Variants in RFX2 observed in about 807,000 individuals in gnomAD.
RFX2 encodes the protein DNA-binding protein RFX2.
A neutral mutation model predicts 87.8 loss-of-function variants in RFX2; 20 were observed. The ratio of observed to expected loss-of-function variants is 0.23; its 90% CI spans 0.16 to 0.33. The LOEUF (loss-of-function observed/expected upper bound fraction) is 0.33. Ranked by LOEUF, RFX2 falls within the 10% of genes least tolerant of loss-of-function variation. The pLI is 1.00. For missense variants in RFX2, 767 were observed against 1,012.3 expected (o/e 0.76, Z 3.29); for synonymous variants, 397 against 431.3 (o/e 0.92, Z 0.98).
rs2086432436 is a variant in RFX2 at position 5,997,617 on chromosome 19, C to T, written c.1860-404G>A. 6.6e-6 allele frequency among the ~76,000 whole-genome samples: 1 copy of T among 152,198 alleles called. No individual in the cohort carries two copies. Among genetic ancestry groups the T allele is most frequent in the Admixed American group, 6.5e-5 (1 of 15,290 alleles). On this transcript the variant is annotated intron_variant, in intron 15 of 17. Transcript: ENST00000303657. The surrounding 1 kb of genome is among the most constrained non-coding windows in gnomAD (Gnocchi z 4.2). ...TGGCAGCTGGTGCCTGTCTCCCCAG[C>T]AGGAGGCGCCTTTCCCCACCTTCCC...
intron 5 of RFX2, among the ~76,000 whole-genome samples, chr19:6,038,968 G>C (rs1568519121): frequency 6.6e-6 from 1 of 152,192 alleles, no homozygotes; most frequent in Non-Finnish European, 1.5e-5. Flanking sequence ...TCCACTTGTA[G>C]GTATATATCC....
rs1363512568 is a variant in RFX2, at chr19:5,995,632, G to A, written c.2025C>T (p.Leu675=). ...PIAVMGEFND[L]ASLSLTLLDK... is the part of the protein sequence containing the mutation. ...CGAGCAGCGTCAGCGACAGAGAGGC[G>A]AGATCGTTGAACTGAAAGAGAAACC... Residue 675 remains leucine, a synonymous_variant, in exon 17 of 18, where the codon CTC becomes CTT. Transcript: ENST00000303657. The A allele has an allele frequency of 3.9e-6, 6 of 1,552,510 alleles. No individual in the cohort carries two copies. Among genetic ancestry groups the A allele is most frequent in the East Asian group, 2.4e-5 (1 of 40,936 alleles).
At chr19:6,055,687 T>C (rs11881111) in intron 1 of RFX2, among the ~76,000 whole-genome samples, 3,015 of 152,252 alleles carry the variant, frequency 0.02, 96 homozygotes, top group African/African-American at 0.068. Flanking sequence ...GCCTTATTCA[T>C]AGCAGTTTGA....
At chr19:6,060,655 G>C (rs981680134) in intron 1 of RFX2, among the ~76,000 whole-genome samples, 2 of 152,166 alleles carry the variant, frequency 1.3e-5, no homozygotes, top group East Asian at 3.9e-4. Flanking sequence ...GTCCTCACGG[G>C]GCAGTTTTCG....
At chr19:6,102,837 T>C (rs1280336120) in intron 1 of RFX2, among the ~76,000 whole-genome samples, 1 of 152,214 alleles carries the variant, frequency 6.6e-6, no homozygotes. Context: ...ACAAGAAGCC[T>C]CTTATGGCCA....
chr19:6,054,929 C>T (rs2087313731), intron 1 of RFX2, among the ~76,000 whole-genome samples: 1 of 152,102 alleles, frequency 6.6e-6, no homozygotes, highest in Non-Finnish European at 1.5e-5. Flanking sequence ...TAAGCCACAG[C>T]CTGGGAGAAA....
At chr19:6,058,370 C>T (rs375898910) in intron 1 of RFX2, among the ~76,000 whole-genome samples, 13 of 152,026 alleles carry the variant, frequency 8.6e-5, no homozygotes, top group East Asian at 1.9e-4. Flanking sequence ...AAACAGCCCC[C>T]GAGTAAAACA....
At chr19:6,042,242 T>C in intron 3 of RFX2, 119 bp from the exon 4 acceptor site, 1 of 879,266 alleles carries the variant, frequency 1.1e-6, no homozygotes, top group Middle Eastern at 2.2e-4. Context: ...AATGACAATG[T>C]TCCCGCCCAC....
chr19:6,060,873 C>A (rs3795010), intron 1 of RFX2, among the ~76,000 whole-genome samples: 70,811 of 151,548 alleles, frequency 0.47, 18,981 homozygotes, highest in African/African-American at 0.75. Context: ...GGACGACCTC[C>A]CGGCACCAGG....
intron 1 of RFX2, among the ~76,000 whole-genome samples, chr19:6,049,979 G>A (rs989410258): frequency 6.6e-6 from 1 of 152,252 alleles, no homozygotes; most frequent in Non-Finnish European, 1.5e-5. Context: ...TCAGAGGACA[G>A]AGTTCTGAAT....
chr19:6,073,759 C>T (rs73549954), intron 1 of RFX2, among the ~76,000 whole-genome samples: 2,683 of 152,170 alleles, frequency 0.018, 93 homozygotes, highest in African/African-American at 0.062. Flanking sequence ...TCTTTTTTAC[C>T]GTGCAAATTT....
chr19:6,098,121 CG>C, intron 1 of RFX2, among the ~76,000 whole-genome samples: 1 of 152,098 alleles, frequency 6.6e-6, no homozygotes, highest in Non-Finnish European at 1.5e-5. Context: ...CGATAAATGA[CG>C]TCATACATGA....
intron 5 of RFX2, among the ~76,000 whole-genome samples, chr19:6,029,402 A>T (rs2086928583): frequency 1.3e-5 from 2 of 152,050 alleles, no homozygotes; most frequent in South Asian, 4.2e-4. Flanking sequence ...AATCATGTAC[A>T]AAGCACTATA....
rs902779450 is a variant in RFX2 at position 6,010,270 on chromosome 19, T to G, written c.900-19A>C. ...CCGGTACCTAGGCCAGGAACACGCA[T>G]ACCATCATGAGGCCCAGCAGCCCTG... On this transcript the variant is annotated intron_variant, in intron 8 of 17. Coordinates refer to ENST00000303657, the MANE Select transcript of RFX2 (RefSeq NM_000635.4). This position sits in a 1 kb window ranked among gnomAD's most constrained non-coding sequence, Gnocchi z 5.0. 12 of 1,505,602 alleles carry G rather than the reference T, an allele frequency of 8.0e-6. 1 individual carries two copies. In the African/African-American group the frequency reaches 8.3e-5, roughly 10 times the overall value. 93.3% of individuals were successfully genotyped at this position (1,505,602 alleles called of 1,614,324 possible).
chr19:6,084,804 T>G (rs1372380719), intron 1 of RFX2, among the ~76,000 whole-genome samples: 1 of 152,098 alleles, frequency 6.6e-6, no homozygotes, highest in Non-Finnish European at 1.5e-5. Flanking sequence ...CCGGCTAATT[T>G]TATATTTTTA....
At chr19:6,093,738 C>T (rs1322717980) in intron 1 of RFX2, among the ~76,000 whole-genome samples, 2 of 150,990 alleles carry the variant, frequency 1.3e-5, no homozygotes, top group African/African-American at 4.9e-5. Context: ...AAAAAACACA[C>T]AAAAAAACCC....
At position 6,045,726 on chromosome 19, in the gene RFX2, C is replaced by T. The variant is rs1253267805; in HGVS notation, c.91-1444G>A. Among the ~76,000 whole-genome samples the T allele has an allele frequency of 1.3e-5, 2 of 152,010 alleles. No individual in the cohort carries two copies. The highest frequency in any genetic ancestry group is 2.4e-5 in the African/African-American group (1 of 41,314). On this transcript the variant is annotated intron_variant, in intron 2 of 17. Transcript: ENST00000303657. The surrounding 1 kb of genome is among the most constrained non-coding windows in gnomAD (Gnocchi z 5.2). Reference sequence around the variant, plus strand: ...TGCTCTTGTCGCCCAGGCTGAAGTGCGATGGCACGATCTCGGCTCACTATA... The same window carrying T: ...TGCTCTTGTCGCCCAGGCTGAAGTGTGATGGCACGATCTCGGCTCACTATA...
At chr19:6,015,807 C>T (rs1408233789) in intron 7 of RFX2, among the ~76,000 whole-genome samples, 1 of 152,128 alleles carries the variant, frequency 6.6e-6, no homozygotes, top group African/African-American at 2.4e-5. Context: ...GGCCCAGAGG[C>T]TGCTCTAAAA....
intron 1 of RFX2, among the ~76,000 whole-genome samples, chr19:6,048,361 T>A (rs2087224830): frequency 6.6e-6 from 1 of 152,254 alleles, no homozygotes; most frequent in African/African-American, 2.4e-5. Context: ...ACCACTCATT[T>A]AATATCGTGG....
Sources: gnomAD v4.1 joint callset for allele counts (sites outside exome capture counted in the v4.1 genomes callset) on GRCh38, gnomAD v4.1.1 for gene constraint, Gnocchi (gnomAD v3.1) non-coding constraint, MANE v1.5 for transcripts, NCBI Gene and HGNC (gene_info 2026-07-23, HGNC 2026-07-21) for gene names.